Variants in PAK1 observed in about 807,000 individuals in gnomAD.
The protein encoded by PAK1 is serine/threonine-protein kinase PAK 1.
In PAK1, 29 loss-of-function variants were observed where a neutral mutation model predicts 67.4. The observed-to-expected ratio is 0.43, with a 90% CI of 0.32 to 0.59. The LOEUF is 0.59. PAK1 is among the 20% of genes least tolerant of loss of function. The probability of loss-of-function intolerance (pLI) is 0.07; values close to 1 mark genes in which losing one functional copy is unlikely to be tolerated. For missense variants in PAK1, 337 were observed against 670.7 expected, an observed-to-expected ratio of 0.50 and a Z score of 5.50; for synonymous variants, 223 against 237.4, an observed-to-expected ratio of 0.94 and a Z score of 0.56.
Position 77,385,169 on chromosome 11 carries a change from T to G in PAK1, c.191-5175A>C, listed in dbSNP as rs542115194. Among the ~76,000 whole-genome samples, 8 of 152,318 alleles carry G rather than the reference T, an allele frequency of 5.3e-5. No homozygotes were observed. The South Asian group carries it at 1.7e-3, about 32-fold the overall frequency. On this transcript the variant is annotated intron_variant, in intron 2 of 14. Transcript: ENST00000356341. The stretch of plus-strand genomic sequence containing the variant: ...ATTAAAAACAGGAGAAGGGTATTCC[T>G]CCTCACCACTTCTATTCATCATAGT...
At chr11:77,399,219 G>T (rs1432889681) in intron 1 of PAK1, among the ~76,000 whole-genome samples, 1 of 152,158 alleles carries the variant, frequency 6.6e-6, no homozygotes, top group African/African-American at 2.4e-5. Context: ...CCTGACCCTA[G>T]AGGCTATCAC....
chr11:77,441,963 T>C (rs1956375348), intron 1 of PAK1, among the ~76,000 whole-genome samples: 1 of 152,164 alleles, frequency 6.6e-6, no homozygotes, highest in African/African-American at 2.4e-5. Flanking sequence ...ACAGGCATGG[T>C]TGTGTTACCA....
At chr11:77,522,123 C>A in the PAK1 span, among the ~76,000 whole-genome samples, 3 of 152,104 alleles carry the variant, frequency 2.0e-5, no homozygotes, top group African/African-American at 7.2e-5. Context: ...CTACATAGAC[C>A]TTTTAGATTG....
At chr11:77,500,397 G>A in the PAK1 span, among the ~76,000 whole-genome samples, 1 of 152,104 alleles carries the variant, frequency 6.6e-6, no homozygotes, top group Non-Finnish European at 1.5e-5. Flanking sequence ...AACCCAGGCA[G>A]CGAAGGTTGC....
rs932834611 is a variant in PAK1 at position 77,423,431 on chromosome 11, A to C, written c.-21-30890T>G. Among the ~76,000 whole-genome samples the C allele has an allele frequency of 7.3e-5, 11 of 151,546 alleles. No homozygotes were observed. In the East Asian group the frequency reaches 2.1e-3, roughly 29 times the overall value. ...CACACACACACACACACACACACAC[A>C]CACACACACACCCCTTAGGACAATA... On this transcript the variant is annotated intron_variant, in intron 1 of 14. Coordinates refer to ENST00000356341, the MANE Select transcript of PAK1 (RefSeq NM_002576.5).
the PAK1 span, among the ~76,000 whole-genome samples, chr11:77,488,854 G>A: frequency 3.3e-5 from 5 of 152,240 alleles, no homozygotes; most frequent in East Asian, 5.8e-4. Context: ...AAAGGAGGTC[G>A]AGAGAGAGAT....
chr11:77,507,156 C>T, the PAK1 span, among the ~76,000 whole-genome samples: 1 of 152,114 alleles, frequency 6.6e-6, no homozygotes, highest in Non-Finnish European at 1.5e-5. Context: ...AGAGTGAGGA[C>T]AGTTGTAAAG....
chr11:77,490,017 C>T, the PAK1 span, among the ~76,000 whole-genome samples: 7 of 150,856 alleles, frequency 4.6e-5, no homozygotes, highest in Non-Finnish European at 5.9e-5. Flanking sequence ...CGCCTCTTCC[C>T]GGCCGCCATC....
intron 1 of PAK1, among the ~76,000 whole-genome samples, chr11:77,412,429 A>C (rs967176725): frequency 1.3e-5 from 2 of 151,786 alleles, no homozygotes; most frequent in Admixed American, 1.3e-4. Flanking sequence ...CTGCTACATT[A>C]TTATTATTAT....
chr11:77,375,001 G>A (rs12287077), intron 4 of PAK1, among the ~76,000 whole-genome samples: 6,270 of 152,238 alleles, frequency 0.041, 458 homozygotes, highest in African/African-American at 0.14. Context: ...GACATTACCA[G>A]TGTACACTTA....
At chr11:77,419,245 A>T (rs926749603) in intron 1 of PAK1, among the ~76,000 whole-genome samples, 9 of 152,264 alleles carry the variant, frequency 5.9e-5, no homozygotes, top group Non-Finnish European at 1.3e-4. Context: ...GACTCTGTAC[A>T]TTCAAAGAAA....
the PAK1 span, among the ~76,000 whole-genome samples, chr11:77,497,003 G>T: frequency 2.6e-5 from 4 of 152,186 alleles, no homozygotes; most frequent in East Asian, 7.7e-4. Flanking sequence ...AGCCTCCTTT[G>T]AACTGAGGAG....
rs761426830 is a variant in PAK1 at position 77,361,527 on chromosome 11, C to G, written c.478-2510G>C. On this transcript the variant is annotated intron_variant, in intron 5 of 14. Transcript: ENST00000356341. Reference sequence around the variant, plus strand: ...AGTTTAGACCTAGAATAAGAAACCACTGGAGGACTGTGAGTAGAACAGTGA... The same window carrying G: ...AGTTTAGACCTAGAATAAGAAACCAGTGGAGGACTGTGAGTAGAACAGTGA... 1.7e-3 allele frequency among the ~76,000 whole-genome samples: 261 copies of G among 152,164 alleles called. 7 individuals are homozygous for G. The highest frequency in any genetic ancestry group is 5.4e-4 in the Non-Finnish European group (37 of 67,996).
chr11:77,337,164 T>C (rs900835181), intron 12 of PAK1, among the ~76,000 whole-genome samples, 160 bp downstream of exon 12: 15 of 151,942 alleles, frequency 9.9e-5, no homozygotes, highest in African/African-American at 3.6e-4. Context: ...TGAAATGATA[T>C]CCTATGATTA....
chr11:77,349,449 A>G (rs1944925512), intron 8 of PAK1, 162 bp from the exon 9 acceptor site: 1 of 659,914 alleles, frequency 1.5e-6, no homozygotes, highest in African/African-American at 1.8e-5. Flanking sequence ...AGAAGCTATA[A>G]GAGGTAGTAC....
chr11:77,335,005 T>C lies in PAK1; in HGVS notation c.1413+1081A>G, dbSNP rs866689945. Among the ~76,000 whole-genome samples the C allele has an allele frequency of 2.6e-5, 4 of 152,288 alleles. No individual in the cohort carries two copies. In the Middle Eastern group the frequency reaches 0.01, roughly 388 times the overall value. Reference sequence around the variant, plus strand: ...GTCTCATCTTAACCTATCAATCACATTTGACACATAATCTACCCTCCTCCT... The same window carrying C: ...GTCTCATCTTAACCTATCAATCACACTTGACACATAATCTACCCTCCTCCT... On this transcript the variant is annotated intron_variant, in intron 13 of 14. Transcript: ENST00000356341.
chr11:77,328,217 A>G (rs1008820804), intron 14 of PAK1, among the ~76,000 whole-genome samples: 7 of 152,318 alleles, frequency 4.6e-5, no homozygotes, highest in African/African-American at 1.4e-4. Flanking sequence ...TCAACATTAG[A>G]CAGATCAACG....
At chr11:77,462,877 C>T (rs1957418144) in intron 1 of PAK1, among the ~76,000 whole-genome samples, 2 of 143,930 alleles carry the variant, frequency 1.4e-5, no homozygotes, top group Non-Finnish European at 3.0e-5. Context: ...AAAAAGAAGT[C>T]ATGTGGACCA....
chr11:77,460,322 G>GTT (rs1565718723), intron 1 of PAK1, among the ~76,000 whole-genome samples: 6 of 114,146 alleles, frequency 5.3e-5, no homozygotes, highest in African/African-American at 1.8e-4. Flanking sequence ...TTTTTTGTTT[G>GTT]CTTTTTTTTT....
Sources: allele counts gnomAD v4.1 joint callset (sites outside exome capture counted in the v4.1 genomes callset), GRCh38; gene constraint gnomAD v4.1.1; transcripts MANE v1.5; gene names NCBI Gene and HGNC (gene_info 2026-07-23, HGNC 2026-07-21).